The following CAMKMT variants were observed in gnomAD, a reference collection of about 807,000 sequenced individuals.
The protein encoded by CAMKMT is calmodulin-lysine N-methyltransferase.
CAMKMT carries 53 observed loss-of-function variants against 48.0 expected under a neutral mutation model. The ratio of observed to expected loss-of-function variants is 1.10; its 90% CI spans 0.89 to 1.39. The LOEUF (loss-of-function observed/expected upper bound fraction) is 1.39. Among genes scored for constraint, CAMKMT ranks in the 40% most tolerant of loss-of-function variants. The pLI is 0.00. For missense variants in CAMKMT, 428 were observed against 402.7 expected, an observed-to-expected ratio of 1.06 and a Z score of -0.54; for synonymous variants, 165 against 152.3, an observed-to-expected ratio of 1.08 and a Z score of -0.61.
At chr2:44,454,194 A>G (rs1198458080) in intron 3 of CAMKMT, among the ~76,000 whole-genome samples, 2 of 152,232 alleles carry the variant, frequency 1.3e-5, no homozygotes, top group African/African-American at 4.8e-5. Flanking sequence ...GAGTTATTTC[A>G]TTCTCTTCTG....
intron 3 of CAMKMT, among the ~76,000 whole-genome samples, chr2:44,666,623 T>G (rs964940129): frequency 2.0e-5 from 3 of 151,388 alleles, no homozygotes; most frequent in Non-Finnish European, 2.9e-5. Context: ...TTTTTTTTTT[T>G]TTTTTTGAGA....
intron 3 of CAMKMT, among the ~76,000 whole-genome samples, chr2:44,436,890 G>A (rs1321780968): frequency 1.3e-5 from 2 of 151,986 alleles, no homozygotes; most frequent in African/African-American, 4.8e-5. Flanking sequence ...ATAAGGTTTT[G>A]GTGTTTATAA....
chr2:44,677,482 C>T (rs1675774382), intron 3 of CAMKMT, among the ~76,000 whole-genome samples: 7 of 152,128 alleles, frequency 4.6e-5, no homozygotes, highest in Admixed American at 3.9e-4. Flanking sequence ...CCAGAGTAGC[C>T]AGGCCACATC....
chr2:44,366,438 GCTTA>G (rs369992269), intron 1 of CAMKMT, among the ~76,000 whole-genome samples: 86 of 152,116 alleles, frequency 5.7e-4, no homozygotes, highest in African/African-American at 2.0e-3. Flanking sequence ...TGTTTTATAT[GCTTA>G]CTTTTGCTTT....
At chr2:44,366,982 C>T (rs1678662133) in intron 1 of CAMKMT, among the ~76,000 whole-genome samples, 1 of 152,100 alleles carries the variant, frequency 6.6e-6, no homozygotes, top group Non-Finnish European at 1.5e-5. Flanking sequence ...ACCTCAGCCT[C>T]CCAAAGTGCT....
At chr2:44,377,580 C>T (rs911915997) in intron 2 of CAMKMT, among the ~76,000 whole-genome samples, 1 of 152,028 alleles carries the variant, frequency 6.6e-6, no homozygotes, top group African/African-American at 2.4e-5. Flanking sequence ...ATATATGGAA[C>T]CATAGAAGTG....
chr2:44,492,705 C>T (rs761429456), intron 3 of CAMKMT, among the ~76,000 whole-genome samples: 1 of 152,024 alleles, frequency 6.6e-6, no homozygotes, highest in Non-Finnish European at 1.5e-5. Flanking sequence ...ATGATACAAT[C>T]CATGACAAAA....
At chr2:44,507,499 G>A (rs1011905074) in intron 3 of CAMKMT, among the ~76,000 whole-genome samples, 4 of 152,070 alleles carry the variant, frequency 2.6e-5, no homozygotes, top group African/African-American at 9.7e-5. Flanking sequence ...GTACCATGTA[G>A]TATGCCTTTT....
At chr2:44,634,391 T>C (rs13014369) in intron 3 of CAMKMT, among the ~76,000 whole-genome samples, 60,131 of 151,640 alleles carry the variant, frequency 0.4, 14,207 homozygotes, top group Middle Eastern at 0.54. Flanking sequence ...TGTTGTCCAA[T>C]AGCTGAAAAC....
At chr2:44,561,111 A>G (rs1319943813) in intron 3 of CAMKMT, among the ~76,000 whole-genome samples, 3 of 152,122 alleles carry the variant, frequency 2.0e-5, no homozygotes, top group African/African-American at 7.2e-5. Context: ...CAACCTTCTT[A>G]TAATCTTTAT....
At chr2:44,430,953 G>A (rs1332138106) in intron 3 of CAMKMT, among the ~76,000 whole-genome samples, 1 of 152,170 alleles carries the variant, frequency 6.6e-6, no homozygotes. Flanking sequence ...GCTTTAATAA[G>A]TGAGATTATC....
In CAMKMT at chr2:44,708,211, AT is replaced by A. The variant is rs59281575; in HGVS notation, c.556+774del. ...AAAGTGGCAGATATGTTTGCTTTGGATTTTTTTTTTTTTTTTTTTTTTTTTG... is the reference window on the plus strand; with the variant it reads ...AAAGTGGCAGATATGTTTGCTTTGGATTTTTTTTTTTTTTTTTTTTTTTTG... On this transcript the variant is annotated intron_variant, in intron 6 of 10. Coordinates refer to ENST00000378494, the MANE Select transcript of CAMKMT (RefSeq NM_024766.5). Among the ~76,000 whole-genome samples the A allele has an allele frequency of 1.6e-3, 111 of 68,190 alleles. 1 individual carries two copies. The highest frequency in any genetic ancestry group is 9.3e-3 in the South Asian group (13 of 1,394). The allele number at this position is 68,190 out of a possible 152,430, so 44.7% of individuals were successfully genotyped here.
chr2:44,678,168 A>C (rs1675821916), intron 3 of CAMKMT, among the ~76,000 whole-genome samples: 1 of 152,182 alleles, frequency 6.6e-6, no homozygotes, highest in Non-Finnish European at 1.5e-5. Context: ...ACCCCAAACA[A>C]TCTTTATGAG....
intron 3 of CAMKMT, among the ~76,000 whole-genome samples, chr2:44,582,058 C>T (rs1054375460): frequency 6.6e-6 from 1 of 152,178 alleles, no homozygotes; most frequent in South Asian, 2.1e-4. Flanking sequence ...TGAAAAAATT[C>T]TCAAACGTTA....
Position 44,604,558 on chromosome 2 carries a change from G to T in CAMKMT, c.377-99725G>T, listed in dbSNP as rs933378869. On this transcript the variant is annotated intron_variant, in intron 3 of 10. Transcript: ENST00000378494. ...AAGCAAACCTATGAAAGCCAATCTG[G>T]TTTTTTTTTTTTTTTTAACATTTTT... 3.2e-4 allele frequency among the ~76,000 whole-genome samples: 46 copies of T among 143,376 alleles called. No homozygotes were observed. The Middle Eastern group carries it at 0.026, about 80-fold the overall frequency. 94.1% of individuals were successfully genotyped at this position (143,376 alleles called of 152,430 possible). A position where few individuals can be genotyped will look rare whatever the true frequency, so the allele number is the denominator to read the frequency against.
At chr2:44,405,232 C>A (rs557012454) in intron 3 of CAMKMT, among the ~76,000 whole-genome samples, 1 of 152,092 alleles carries the variant, frequency 6.6e-6, no homozygotes, top group South Asian at 2.1e-4. Context: ...GACAGATGAG[C>A]AAGGATGTTA....
At chr2:44,607,345 G>A (rs1671343094) in intron 3 of CAMKMT, among the ~76,000 whole-genome samples, 1 of 152,058 alleles carries the variant, frequency 6.6e-6, no homozygotes, top group Admixed American at 6.6e-5. Flanking sequence ...TTCTCTTTAG[G>A]AAGCTAATTT....
intron 3 of CAMKMT, among the ~76,000 whole-genome samples, chr2:44,392,484 C>A (rs1368941422): frequency 3.3e-5 from 5 of 151,860 alleles, no homozygotes; most frequent in Admixed American, 6.6e-5. Flanking sequence ...TCACTTGATG[C>A]CTCAAAAATT....
chr2:44,427,182 T>A (rs972677384), intron 3 of CAMKMT, among the ~76,000 whole-genome samples: 1 of 152,132 alleles, frequency 6.6e-6, no homozygotes, highest in African/African-American at 2.4e-5. Context: ...AAGATTTAAA[T>A]ATAAGATCTC....
Sources: gnomAD v4.1 joint callset for allele counts (sites outside exome capture counted in the v4.1 genomes callset) on GRCh38, gnomAD v4.1.1 for gene constraint, MANE v1.5 for transcripts, NCBI Gene and HGNC (gene_info 2026-07-23, HGNC 2026-07-21) for gene names.